The following SORL1 variants were observed in gnomAD, a reference collection of about 807,000 sequenced individuals.
SORL1 encodes the protein sortilin related receptor 1.
Under a neutral mutation model 273.7 loss-of-function variants are expected in SORL1, and 127 were observed. The observed-to-expected ratio is 0.46, with a 90% CI of 0.40 to 0.54. The LOEUF is 0.54. Ranked by LOEUF, SORL1 falls within the 20% of genes least tolerant of loss-of-function variation. The pLI, the probability that SORL1 is intolerant of heterozygous loss-of-function variation, is 0.00. For missense variants in SORL1, 2,494 were observed against 2,846.1 expected (o/e 0.88, Z 2.81); for synonymous variants, 1,031 against 1,067.4 (o/e 0.97, Z 0.66).
Position 121,496,894 on chromosome 11 carries a change from A to G in SORL1, c.784A>G (p.Asn262Asp). Residue 262 changes from asparagine (N) to aspartate (D), a missense_variant, in exon 6 of 48, where the codon AAT (asparagine) becomes GAT (aspartate). Coordinates refer to ENST00000260197, the MANE Select transcript of SORL1 (RefSeq NM_003105.6). Reference protein sequence around the residue: ...SWGIDPYDKPNTIYIERHEPS... With the variant: ...SWGIDPYDKPDTIYIERHEPS... ...GGGAATTGATCCCTATGACAAACCAAATACCATCTACATTGAACGACATGA... is the reference window on the plus strand; with the variant it reads ...GGGAATTGATCCCTATGACAAACCAGATACCATCTACATTGAACGACATGA... The G allele has an allele frequency of 1.2e-6, 2 of 1,613,220 alleles. No homozygotes were observed. The highest frequency in any genetic ancestry group is 1.3e-5 in the African/African-American group (1 of 74,932).
chr11:121,537,815 G>C (rs189528836), intron 12 of SORL1, among the ~76,000 whole-genome samples: 2 of 152,290 alleles, frequency 1.3e-5, no homozygotes, highest in East Asian at 3.9e-4. Context: ...CCTCCCTCCA[G>C]CTTCTATTCG....
chr11:121,585,903 A>G (rs1488542659), intron 26 of SORL1, among the ~76,000 whole-genome samples: 1 of 152,226 alleles, frequency 6.6e-6, no homozygotes, highest in African/African-American at 2.4e-5. Context: ...AATCTATTAC[A>G]CAGTTTTGCA....
At chr11:121,538,898 C>A (rs907500352) in intron 12 of SORL1, among the ~76,000 whole-genome samples, 1 of 152,074 alleles carries the variant, frequency 6.6e-6, no homozygotes, top group Non-Finnish European at 1.5e-5. Flanking sequence ...AGGCTGGTCT[C>A]GATTTCTTGA....
At chr11:121,582,776 T>A (rs1170905045) in intron 25 of SORL1, among the ~76,000 whole-genome samples, 1 of 152,244 alleles carries the variant, frequency 6.6e-6, no homozygotes, top group Non-Finnish European at 1.5e-5. Flanking sequence ...TTTCAAGTTC[T>A]TAGGCCTGCT....
intron 8 of SORL1, among the ~76,000 whole-genome samples, chr11:121,514,924 G>A (rs142724706): frequency 1.6e-3 from 250 of 152,268 alleles, no homozygotes; most frequent in African/African-American, 5.6e-3. Context: ...CTTAAGATCC[G>A]TTCAGGGCCA....
At position 121,550,572 on chromosome 11, in the gene SORL1, G is replaced by C. The variant is rs370885705; in HGVS notation, c.2181-13G>C. 6.2e-7 allele frequency: 1 copy of C among 1,613,614 alleles called. No individual in the cohort carries two copies. The highest frequency in any genetic ancestry group is 1.7e-5 in the Admixed American group (1 of 60,024). On this transcript the variant is annotated splice_polypyrimidine_tract_variant and intron_variant, in intron 15 of 47. Transcript: ENST00000260197. This position sits in a 1 kb window ranked among gnomAD's most constrained non-coding sequence, Gnocchi z 5.3. ...CATGTTTCTGACCTCTTGCTCTTGG[G>C]GTGGGGTGACAGCTACCGGAAGATT...
Position 121,559,670 on chromosome 11 carries a change from CTCT to C in SORL1, c.3049+18_3049+20del. The C allele has an allele frequency of 6.2e-7, 1 of 1,613,278 alleles. No homozygotes were observed. Among genetic ancestry groups the C allele is most frequent in the Non-Finnish European group, 8.5e-7 (1 of 1,179,544 alleles). ...GGGAAGAACACTGGTAAGCCAGAGTCTCTTCTTTTGTCTCTGTAGAGTTGATCT... is the reference window on the plus strand; with the variant it reads ...GGGAAGAACACTGGTAAGCCAGAGTCTCTTTTGTCTCTGTAGAGTTGATCT... On this transcript the variant is annotated intron_variant, in intron 21 of 47. Transcript: ENST00000260197.
At chr11:121,574,554 G>T (rs552184060) in intron 24 of SORL1, among the ~76,000 whole-genome samples, 191 bp downstream of exon 24, 1 of 152,308 alleles carries the variant, frequency 6.6e-6, no homozygotes, top group African/African-American at 2.4e-5. Context: ...GAGTTTGTTT[G>T]CTGCTTTTCA....
At chr11:121,511,407 C>G (rs577255747) in intron 6 of SORL1, among the ~76,000 whole-genome samples, 189 of 152,206 alleles carry the variant, frequency 1.2e-3, no homozygotes, top group African/African-American at 4.4e-3. Flanking sequence ...TGATATGTTC[C>G]TCTATATATT....
At chr11:121,562,484 G>A (rs1862691665) in intron 21 of SORL1, among the ~76,000 whole-genome samples, 1 of 152,216 alleles carries the variant, frequency 6.6e-6, no homozygotes, top group African/African-American at 2.4e-5. Context: ...ATAGTGTGAT[G>A]AAATCTTGTA....
chr11:121,535,999 T>C (rs11600231), intron 12 of SORL1, among the ~76,000 whole-genome samples: 11,959 of 152,242 alleles, frequency 0.079, 503 homozygotes, highest in Middle Eastern at 0.14. Flanking sequence ...TGTTGCATTT[T>C]TGCACCCTGA....
intron 11 of SORL1, among the ~76,000 whole-genome samples, chr11:121,529,461 C>T (rs932860738): frequency 7.2e-5 from 11 of 152,192 alleles, no homozygotes; most frequent in Non-Finnish European, 1.5e-4. Flanking sequence ...AAGTGATCCA[C>T]CCACCTTGGC....
At chr11:121,465,963 G>T (rs574512991) in intron 1 of SORL1, among the ~76,000 whole-genome samples, 24 of 152,184 alleles carry the variant, frequency 1.6e-4, no homozygotes, top group Non-Finnish European at 3.1e-4. Context: ...GTGATCTTTG[G>T]GGGGTGGGGT....
In SORL1 at chr11:121,522,597, C is replaced by T; in HGVS notation, c.1416C>T (p.Gly472=). 3 of 1,613,678 alleles carry T rather than the reference C, an allele frequency of 1.9e-6. No individual in the cohort carries two copies. The highest frequency in any genetic ancestry group is 2.5e-6 in the Non-Finnish European group (3 of 1,179,552). The part of the protein sequence containing the change: ...GEKINCELSQ[G]CSLHLAQRLS... Reference sequence around the variant, plus strand: ...CTTTGGTTGTATAGCTTTCCCAGGGCTGTTCCCTTCATCTGGCTCAGCGCC... The same window carrying T: ...CTTTGGTTGTATAGCTTTCCCAGGGTTGTTCCCTTCATCTGGCTCAGCGCC... The change falls in exon 10 of 48, where the codon GGC becomes GGT. Residue 472 remains glycine, a synonymous_variant. Transcript: ENST00000260197.
intron 24 of SORL1, among the ~76,000 whole-genome samples, chr11:121,576,259 T>G (rs908470178): frequency 2.0e-5 from 3 of 152,228 alleles, no homozygotes; most frequent in African/African-American, 7.2e-5. Context: ...AGACTTATTG[T>G]CTAGTGAGGG....
intron 1 of SORL1, among the ~76,000 whole-genome samples, chr11:121,459,298 A>G (rs972613444): frequency 5.9e-5 from 9 of 152,166 alleles, no homozygotes; most frequent in Non-Finnish European, 1.0e-4. Flanking sequence ...TCTTCTTCCC[A>G]CCTGTAGGCA....
intron 1 of SORL1, among the ~76,000 whole-genome samples, chr11:121,456,081 A>G (rs1409104562): frequency 1.3e-5 from 2 of 151,772 alleles, no homozygotes; most frequent in Non-Finnish European, 1.5e-5. Flanking sequence ...TTCATGCCAC[A>G]CTGAATTTCC....
chr11:121,583,459 C>A lies in SORL1; in HGVS notation c.3582C>A (p.Ala1194=), dbSNP rs1412687293. 6.2e-7 allele frequency: 1 copy of A among 1,610,782 alleles called. No homozygotes were observed. Among genetic ancestry groups the A allele is most frequent in the Non-Finnish European group, 8.5e-7 (1 of 1,178,478 alleles). Residue 1194 remains alanine (A), a splice_region_variant and synonymous_variant, in exon 26 of 48, where the codon GCC becomes GCA. Coordinates refer to ENST00000260197, the MANE Select transcript of SORL1 (RefSeq NM_003105.6). The part of the protein sequence containing the change: ...RDWSDEANCT[A]IYHTCEASNF... ...CTGTGTCTCTCTTCTCTGTTACAGC[C>A]ATCTATCACACCTGTGAGGCCTCCA...
rs1862547218 is a variant in SORL1, at chr11:121,554,357, T to C, written c.2439+248T>C. On this transcript the variant is annotated intron_variant, in intron 17 of 47. Coordinates refer to ENST00000260197, the MANE Select transcript of SORL1 (RefSeq NM_003105.6). The surrounding 1 kb of genome is among the most constrained non-coding windows in gnomAD (Gnocchi z 4.6). Reference sequence around the variant, plus strand: ...GACCTGCTTGAAAGTGAGGTCTTGCTTTTCCTGCTGGGAAGGTGTTGGGAC... The same window carrying C: ...GACCTGCTTGAAAGTGAGGTCTTGCCTTTCCTGCTGGGAAGGTGTTGGGAC... 6.6e-6 allele frequency among the ~76,000 whole-genome samples: 1 copy of C among 152,188 alleles called. No individual in the cohort carries two copies. The highest frequency in any genetic ancestry group is 1.5e-5 in the Non-Finnish European group (1 of 68,008).
Sources: gnomAD v4.1 joint callset for allele counts (sites outside exome capture counted in the v4.1 genomes callset) on GRCh38, gnomAD v4.1.1 for gene constraint, Gnocchi (gnomAD v3.1) non-coding constraint, MANE v1.5 for transcripts, NCBI Gene and HGNC (gene_info 2026-07-23, HGNC 2026-07-21) for gene names.